The following AXDND1 variants were observed in gnomAD, a reference collection of about 807,000 sequenced individuals.
AXDND1 encodes axonemal dynein light chain domain-containing protein 1.
AXDND1 carries 110 observed loss-of-function variants against 137.5 expected under a neutral mutation model. The observed-to-expected ratio is 0.80, with a 90% CI of 0.69 to 0.94. AXDND1 has a LOEUF of 0.94. Among genes scored for constraint, AXDND1 ranks in the 40% least tolerant of loss-of-function variants. The pLI, the probability that AXDND1 is intolerant of heterozygous loss-of-function variation, is 0.00. For synonymous variants in AXDND1, 414 were observed against 399.7 expected (o/e 1.04, Z -0.43); for missense variants, 1,191 against 1,169.8 (o/e 1.02, Z -0.26).
intron 20 of AXDND1, among the ~76,000 whole-genome samples, chr1:179,499,481 G>T (rs964621904): frequency 6.6e-6 from 1 of 152,144 alleles, no homozygotes; most frequent in Non-Finnish European, 1.5e-5. Flanking sequence ...TTGTAAAGGA[G>T]GGGGAGGAAT....
At chr1:179,535,406 A>C (rs2125710751) in intron 25 of AXDND1, among the ~76,000 whole-genome samples, 1 of 151,982 alleles carries the variant, frequency 6.6e-6, no homozygotes, top group East Asian at 1.9e-4. Context: ...CCAGTGTGTG[A>C]TGTTCCCCTC....
At chr1:179,502,153 A>G (rs1013896035) in intron 20 of AXDND1, among the ~76,000 whole-genome samples, 1 of 152,250 alleles carries the variant, frequency 6.6e-6, no homozygotes, top group African/African-American at 2.4e-5. Flanking sequence ...GCCTGAATGT[A>G]TACCTCACCA....
intron 15 of AXDND1, among the ~76,000 whole-genome samples, chr1:179,440,174 A>G (rs1306563429): frequency 6.6e-6 from 1 of 152,170 alleles, no homozygotes; most frequent in Non-Finnish European, 1.5e-5. Flanking sequence ...TGCCCACTCT[A>G]TAATGCCTTG....
At chr1:179,534,709 G>A (rs776398884) in intron 24 of AXDND1, 21 bp from the exon 25 acceptor site, 1 of 1,555,284 alleles carries the variant, frequency 6.4e-7, no homozygotes, top group South Asian at 1.2e-5. Flanking sequence ...CTATTTTGTT[G>A]TGTCTTCTCT....
At chr1:179,458,371 C>G (rs151060045) in intron 16 of AXDND1, among the ~76,000 whole-genome samples, 1 of 152,032 alleles carries the variant, frequency 6.6e-6, no homozygotes, top group Non-Finnish European at 1.5e-5. Flanking sequence ...TAATTCGAAG[C>G]CTTAGAACAA....
chr1:179,378,862 C>CTA, intron 5 of AXDND1, 105 bp downstream of exon 5: 1 of 930,132 alleles, frequency 1.1e-6, no homozygotes, highest in Non-Finnish European at 1.4e-6. Flanking sequence ...CAACGTCATA[C>CTA]TATAACAACC....
intron 19 of AXDND1, among the ~76,000 whole-genome samples, chr1:179,492,450 C>A (rs79253509): frequency 2.2e-4 from 7 of 31,982 alleles, no homozygotes; most frequent in Admixed American, 4.2e-4. Flanking sequence ...AAAAAAAAAA[C>A]AACAACCCAC....
chr1:179,371,541 T>G (rs1272437894), intron 4 of AXDND1, among the ~76,000 whole-genome samples: 1 of 152,144 alleles, frequency 6.6e-6, no homozygotes, highest in Non-Finnish European at 1.5e-5. Flanking sequence ...ACGAAAACAT[T>G]TTCACTGTAG....
chr1:179,390,194 A>G (rs750534788), intron 9 of AXDND1, among the ~76,000 whole-genome samples: 73 of 152,082 alleles, frequency 4.8e-4, no homozygotes, highest in Non-Finnish European at 9.6e-4. Flanking sequence ...TTGTATTTTT[A>G]GTAGATACAA....
intron 12 of AXDND1, among the ~76,000 whole-genome samples, chr1:179,417,301 C>T (rs1305537374): frequency 6.6e-6 from 1 of 151,300 alleles, no homozygotes; most frequent in Non-Finnish European, 1.5e-5. Flanking sequence ...TAGGTTTTCT[C>T]TTCACTTTGT....
At chr1:179,406,904 T>C (rs139237451) in intron 11 of AXDND1, among the ~76,000 whole-genome samples, 1 of 152,294 alleles carries the variant, frequency 6.6e-6, no homozygotes, top group African/African-American at 2.4e-5. Flanking sequence ...TTGTTAATTA[T>C]ATTCTGATTA....
chr1:179,443,125 A>T (rs917950866), intron 15 of AXDND1, among the ~76,000 whole-genome samples: 2 of 152,346 alleles, frequency 1.3e-5, no homozygotes, highest in Middle Eastern at 3.4e-3. Flanking sequence ...CCAAGGAGTG[A>T]TGTCCCTCAG....
intron 11 of AXDND1, among the ~76,000 whole-genome samples, chr1:179,406,550 A>G (rs991099599): frequency 6.6e-6 from 1 of 152,068 alleles, no homozygotes; most frequent in Admixed American, 6.6e-5. Context: ...TTGGGTGCAT[A>G]TATATTTAGA....
Position 179,534,732 on chromosome 1 carries a change from A to G in AXDND1, c.2801A>G (p.Glu934Gly), listed in dbSNP as rs751349104. 8 of 1,573,416 alleles carry G rather than the reference A, an allele frequency of 5.1e-6. No individual in the cohort carries two copies. In the Admixed American group the frequency reaches 1.7e-4, roughly 34 times the overall value. The change falls in exon 25 of 26, where the codon GAG becomes GGG. Residue 934 changes from glutamate to glycine, a missense_variant and splice_region_variant. Physicochemically the swap from Glu to Gly is moderately conservative, Grantham distance 98. Coordinates refer to ENST00000367618, the MANE Select transcript of AXDND1 (RefSeq NM_144696.6). ...VIEHMQEKLLEVENRARQAEE... is the reference protein window; with the variant it reads ...VIEHMQEKLLGVENRARQAEE... ...TTGTGTCTTCTCTTCCATATCAGGG[A>G]GGTTGAAAATAGAGCCAGACAGGCA...
At chr1:179,521,233 C>T (rs1670033514) in intron 21 of AXDND1, among the ~76,000 whole-genome samples, 1 of 152,132 alleles carries the variant, frequency 6.6e-6, no homozygotes, top group Admixed American at 6.5e-5. Context: ...GCTGGGCTTA[C>T]AGATGTTCAC....
rs1647693202 is a variant in AXDND1 at position 179,378,645 on chromosome 1, C to G, written c.383C>G (p.Ser128Cys). 1.7e-5 allele frequency: 27 copies of G among 1,573,942 alleles called. No individual in the cohort carries two copies. Among genetic ancestry groups the G allele is most frequent in the Non-Finnish European group, 2.2e-5 (26 of 1,159,402 alleles). The change falls in exon 5 of 26, where the codon TCT becomes TGT. Residue 128 changes from serine (S) to cysteine (C), a missense_variant. Coordinates refer to ENST00000367618, the MANE Select transcript of AXDND1 (RefSeq NM_144696.6). ...TTTTTCTTACTTTTTAGGGATATTT[C>G]TTTTCTGTACGATGTAACATATGCC... ...VSLTGAGRDI[S>C]FLYDVTYAKG... is the part of the protein sequence containing the mutation.
At chr1:179,450,435 T>G (rs1447764276) in intron 16 of AXDND1, 8 of 152,246 alleles carry the variant, frequency 5.3e-5, no homozygotes, top group Admixed American at 5.2e-4. Context: ...AGCATGAGTC[T>G]TTGCCGATTA....
At chr1:179,466,012 C>G (rs190644143) in intron 16 of AXDND1, among the ~76,000 whole-genome samples, 211 of 152,268 alleles carry the variant, frequency 1.4e-3, no homozygotes, top group African/African-American at 4.9e-3. Flanking sequence ...TTTCCAGGTA[C>G]CGTCTTTCAT....
chr1:179,441,525 T>A (rs1658987458), intron 15 of AXDND1, among the ~76,000 whole-genome samples: 1 of 152,196 alleles, frequency 6.6e-6, no homozygotes, highest in Admixed American at 6.5e-5. Flanking sequence ...GCATTTGCAT[T>A]CTCAAAAGCT....
Sources: allele counts gnomAD v4.1 joint callset (sites outside exome capture counted in the v4.1 genomes callset), GRCh38; gene constraint gnomAD v4.1.1; transcripts MANE v1.5; gene names NCBI Gene and HGNC (gene_info 2026-07-23, HGNC 2026-07-21).